The following CNTN5 variants were observed in gnomAD, a reference collection of about 807,000 sequenced individuals.
CNTN5 encodes contactin-5.
CNTN5 carries 77 observed loss-of-function variants against 129.1 expected under a neutral mutation model. The observed-to-expected ratio is 0.60, with a 90% CI of 0.50 to 0.72. The LOEUF is 0.72. Among genes scored for constraint, CNTN5 ranks in the 30% least tolerant of loss-of-function variants. The pLI is 0.00. For missense variants in CNTN5, 1,478 were observed against 1,328.8 expected (o/e 1.11, Z -1.75); for synonymous variants, 509 against 465.6 (o/e 1.09, Z -1.20).
At chr11:99,878,850 T>G (rs1208380556) in intron 6 of CNTN5, among the ~76,000 whole-genome samples, 1 of 151,982 alleles carries the variant, frequency 6.6e-6, no homozygotes, top group African/African-American at 2.4e-5. Flanking sequence ...CGAGACTCCG[T>G]CTCAAAAAAA....
chr11:99,802,983 T>A (rs1355106252), intron 3 of CNTN5, among the ~76,000 whole-genome samples: 2 of 151,912 alleles, frequency 1.3e-5, no homozygotes, highest in African/African-American at 4.8e-5. Context: ...GTGGAGAGGG[T>A]CCTGCTGCAC....
chr11:100,049,349 T>C (rs537300061), intron 9 of CNTN5, among the ~76,000 whole-genome samples: 1 of 151,860 alleles, frequency 6.6e-6, no homozygotes, highest in Admixed American at 6.6e-5. Flanking sequence ...AACTTTAAAA[T>C]AATCAAACAC....
At chr11:99,668,417 A>T (rs1952889625) in intron 3 of CNTN5, among the ~76,000 whole-genome samples, 1 of 152,066 alleles carries the variant, frequency 6.6e-6, no homozygotes, top group African/African-American at 2.4e-5. Flanking sequence ...TGTCTATCAT[A>T]AGGGAAGAAG....
chr11:99,673,780 C>A (rs1156736284), intron 3 of CNTN5, among the ~76,000 whole-genome samples: 1 of 151,348 alleles, frequency 6.6e-6, no homozygotes, highest in Non-Finnish European at 1.5e-5. Context: ...AAAAAAAGAT[C>A]TCATCCTTTT....
In CNTN5 at chr11:99,149,378, G is replaced by T. The variant is rs1039401663; in HGVS notation, c.-210+128108G>T. 7.2e-5 allele frequency among the ~76,000 whole-genome samples: 11 copies of T among 152,068 alleles called. No individual in the cohort carries two copies. In the East Asian group the frequency reaches 2.1e-3, roughly 29 times the overall value. On this transcript the variant is annotated intron_variant, in intron 1 of 24. Coordinates refer to ENST00000524871, the MANE Select transcript of CNTN5 (RefSeq NM_014361.4). ...AATGCAAGGGGTTCCAAATTTTATT[G>T]AATAATATGAAAGAAATGTTTTCAA...
chr11:100,273,281 C>A (rs890794683), intron 18 of CNTN5, among the ~76,000 whole-genome samples: 2 of 152,152 alleles, frequency 1.3e-5, no homozygotes, highest in Admixed American at 1.3e-4. Flanking sequence ...ACTGCAGCCG[C>A]AGCGTCCCCG....
At chr11:100,208,366 C>T (rs182539046) in intron 15 of CNTN5, among the ~76,000 whole-genome samples, 31 of 152,190 alleles carry the variant, frequency 2.0e-4, no homozygotes, top group Non-Finnish European at 4.0e-4. Flanking sequence ...GCATTCATTT[C>T]GGGCATCATC....
Position 100,193,743 on chromosome 11 carries a change from G to T in CNTN5, c.1884+80G>T, listed in dbSNP as rs1388847418. ...CAAATGTAAGACCTTGCTTAGCTAT[G>T]AAGTGCTAAGAAAAAAAAAAACAGA... On this transcript the variant is annotated intron_variant, in intron 15 of 24. Transcript: ENST00000524871. 7 of 1,169,322 alleles carry T rather than the reference G, an allele frequency of 6.0e-6. No individual in the cohort carries two copies. The Admixed American group carries it at 1.4e-4, about 24-fold the overall frequency. 72.4% of individuals were successfully genotyped at this position (1,169,322 alleles called of 1,614,324 possible).
chr11:99,445,070 A>T lies in CNTN5; in HGVS notation c.-70-111075A>T, dbSNP rs572289785. Among the ~76,000 whole-genome samples, 167 of 148,350 alleles carry T rather than the reference A, an allele frequency of 1.1e-3. 2 individuals carry two copies. The highest frequency in any genetic ancestry group is 3.9e-3 in the African/African-American group (160 of 40,888). On this transcript the variant is annotated intron_variant, in intron 2 of 24. Transcript: ENST00000524871. ...TATATATACATTTATATATTTATAT[A>T]TACACAATTATATTTATATTTGTAT... is the stretch of plus-strand genomic sequence containing the variant.
At chr11:100,152,664 G>A (rs1947107675) in intron 13 of CNTN5, among the ~76,000 whole-genome samples, 1 of 151,956 alleles carries the variant, frequency 6.6e-6, no homozygotes, top group Admixed American at 6.6e-5. Flanking sequence ...AAAGGTATCT[G>A]AATTTTTTTC....
At chr11:99,678,386 C>G (rs973685771) in intron 3 of CNTN5, among the ~76,000 whole-genome samples, 3 of 152,014 alleles carry the variant, frequency 2.0e-5, no homozygotes, top group African/African-American at 7.2e-5. Context: ...ACAATCATTG[C>G]AACATATGTT....
chr11:99,518,735 A>G (rs1291727176), intron 2 of CNTN5, among the ~76,000 whole-genome samples: 2 of 152,078 alleles, frequency 1.3e-5, no homozygotes, highest in African/African-American at 2.4e-5. Context: ...ATTTGAAATC[A>G]TTCCTAATAT....
At chr11:99,484,475 C>T (rs1262541107) in intron 2 of CNTN5, among the ~76,000 whole-genome samples, 2 of 152,098 alleles carry the variant, frequency 1.3e-5, no homozygotes, top group African/African-American at 4.8e-5. Flanking sequence ...CATGAAAATT[C>T]CTCAGAAAAA....
intron 3 of CNTN5, among the ~76,000 whole-genome samples, chr11:99,702,441 C>A (rs766889784): frequency 8.0e-5 from 12 of 150,866 alleles, no homozygotes; most frequent in Non-Finnish European, 1.3e-4. Context: ...TAAAGTACTT[C>A]AGTGGATAAT....
At chr11:100,060,093 C>T (rs1452222846) in intron 9 of CNTN5, among the ~76,000 whole-genome samples, 2 of 151,754 alleles carry the variant, frequency 1.3e-5, no homozygotes, top group Non-Finnish European at 2.9e-5. Flanking sequence ...ACCTGTAATC[C>T]CAGCTACTTG....
chr11:99,851,395 T>C (rs1947869299), intron 6 of CNTN5, among the ~76,000 whole-genome samples: 1 of 152,190 alleles, frequency 6.6e-6, no homozygotes, highest in African/African-American at 2.4e-5. Flanking sequence ...CTGAAGCTTA[T>C]GTTTGTCATG....
chr11:99,238,915 A>C (rs1049765663), intron 1 of CNTN5, among the ~76,000 whole-genome samples: 1 of 152,142 alleles, frequency 6.6e-6, no homozygotes, highest in Non-Finnish European at 1.5e-5. Flanking sequence ...TGACTGAAGA[A>C]AATTTGGCAA....
intron 1 of CNTN5, among the ~76,000 whole-genome samples, chr11:99,097,471 T>C (rs1326794295): frequency 6.6e-6 from 1 of 151,974 alleles, no homozygotes; most frequent in East Asian, 1.9e-4. Flanking sequence ...TAAGGATTTT[T>C]TTCTGTGATA....
intron 1 of CNTN5, among the ~76,000 whole-genome samples, chr11:99,141,218 C>A (rs1355007164): frequency 6.6e-6 from 1 of 151,848 alleles, no homozygotes; most frequent in East Asian, 1.9e-4. Flanking sequence ...ATTGGTTCAA[C>A]CTTGGGAAGT....
Sources: gnomAD v4.1 joint callset for allele counts (sites outside exome capture counted in the v4.1 genomes callset) on GRCh38, gnomAD v4.1.1 for gene constraint, MANE v1.5 for transcripts, NCBI Gene and HGNC (gene_info 2026-07-23, HGNC 2026-07-21) for gene names.